NAALADL2: variants seen among roughly 807,000 people sequenced by gnomAD.
The protein encoded by NAALADL2 is N-acetylated alpha-linked acidic dipeptidase like 2, also known as inactive N-acetylated-alpha-linked acidic dipeptidase-like protein 2.
NAALADL2 carries 76 observed loss-of-function variants against 87.2 expected under a neutral mutation model. The observed-to-expected ratio is 0.87, with a 90% confidence interval of 0.72 to 1.05. NAALADL2 has a LOEUF of 1.05. Among genes scored for constraint, NAALADL2 ranks in the 50% least tolerant of loss-of-function variants. The pLI is 0.00. For missense variants in NAALADL2, 1,089 were observed against 945.8 expected (o/e 1.15, Z -1.99); for synonymous variants, 354 against 331.0 (o/e 1.07, Z -0.75).
chr3:175,538,806 C>T (rs1339664370), intron 9 of NAALADL2, among the ~76,000 whole-genome samples: 24 of 152,126 alleles, frequency 1.6e-4, no homozygotes, highest in Non-Finnish European at 1.5e-5. Flanking sequence ...ATGCTAGCTA[C>T]CAGGGCTAAT....
chr3:174,870,592 TAAA>T (rs56071821), intron 1 of NAALADL2, among the ~76,000 whole-genome samples: 6 of 148,140 alleles, frequency 4.1e-5, no homozygotes, highest in African/African-American at 1.0e-4. Flanking sequence ...AACAAAAAAA[TAAA>T]AAAAAAACAC....
chr3:175,189,363 CAATA>C (rs957269547), intron 2 of NAALADL2, among the ~76,000 whole-genome samples: 1 of 152,000 alleles, frequency 6.6e-6, no homozygotes, highest in Non-Finnish European at 1.5e-5. Flanking sequence ...CTTTTAGAAC[CAATA>C]AATAAATTCA....
chr3:174,708,327 G>C (rs1374731507), intron 2 of NAALADL2, among the ~76,000 whole-genome samples: 1 of 152,166 alleles, frequency 6.6e-6, no homozygotes, highest in Non-Finnish European at 1.5e-5. Context: ...TATTGTTTAA[G>C]TTATTGCTAC....
chr3:175,181,789 G>GTGTATATA (rs1291826648), intron 2 of NAALADL2, among the ~76,000 whole-genome samples: 1 of 138,604 alleles, frequency 7.2e-6, no homozygotes. Flanking sequence ...GTATATATAT[G>GTGTATATA]TGTGTGTGTA....
intron 1 of NAALADL2, among the ~76,000 whole-genome samples, chr3:174,480,268 C>T (rs1347858483): frequency 6.6e-6 from 1 of 152,094 alleles, no homozygotes; most frequent in Non-Finnish European, 1.5e-5. Flanking sequence ...GAAGACTCCT[C>T]ATGGGAGTTG....
intron 2 of NAALADL2, among the ~76,000 whole-genome samples, chr3:174,602,303 A>G (rs1264019654): frequency 6.6e-6 from 1 of 151,942 alleles, no homozygotes; most frequent in Non-Finnish European, 1.5e-5. Context: ...TTCTTTCATC[A>G]GTTTTTATAG....
At chr3:175,679,200 C>G (rs562436663) in intron 11 of NAALADL2, among the ~76,000 whole-genome samples, 2 of 151,492 alleles carry the variant, frequency 1.3e-5, no homozygotes, top group South Asian at 4.2e-4. Flanking sequence ...GGATGTATAC[C>G]TGCAGGTCAC....
chr3:174,790,424 T>G (rs1298151643), intron 3 of NAALADL2, among the ~76,000 whole-genome samples: 1 of 151,880 alleles, frequency 6.6e-6, no homozygotes, highest in Admixed American at 6.6e-5. Context: ...CTGAGGCAGG[T>G]GGATCATTTG....
At chr3:175,187,287 G>A (rs1031113232) in intron 2 of NAALADL2, among the ~76,000 whole-genome samples, 2 of 152,174 alleles carry the variant, frequency 1.3e-5, no homozygotes, top group Non-Finnish European at 2.9e-5. Flanking sequence ...ATAGATACAA[G>A]TGAGTTCATG....
intron 4 of NAALADL2, among the ~76,000 whole-genome samples, chr3:175,266,151 T>C (rs1208665204): frequency 6.6e-6 from 1 of 150,832 alleles, no homozygotes; most frequent in Non-Finnish European, 1.5e-5. Flanking sequence ...TCATATTGCA[T>C]TTTAGAATAC....
rs531810279 is a variant in NAALADL2 at position 175,807,004 on chromosome 3, T to A, written c.*3801T>A. ...AAACAAATGACATCATTCCTGATGA[T>A]GGTAGCCCACTCCAACAAAGGCGTA... On this transcript the variant is annotated 3_prime_UTR_variant, in exon 14 of 14. Coordinates refer to ENST00000454872, the MANE Select transcript of NAALADL2 (RefSeq NM_207015.3). The A allele has an allele frequency of 6.6e-6, 1 of 151,938 alleles. No homozygotes were observed. Among genetic ancestry groups the A allele is most frequent in the East Asian group, 1.9e-4 (1 of 5,154 alleles). The allele number at this position is 151,938 out of a possible 1,614,324, so 9.4% of individuals were successfully genotyped here.
intron 1 of NAALADL2, among the ~76,000 whole-genome samples, chr3:174,890,179 T>C (rs945928930): frequency 6.6e-6 from 1 of 151,754 alleles, no homozygotes. Context: ...TGTATAGTAA[T>C]AAAGAAAAAG....
At chr3:175,125,178 T>G (rs1726760253) in intron 2 of NAALADL2, among the ~76,000 whole-genome samples, 1 of 152,056 alleles carries the variant, frequency 6.6e-6, no homozygotes, top group Non-Finnish European at 1.5e-5. Context: ...TTACTTATTT[T>G]CAATTTAATT....
chr3:175,760,397 G>A (rs1052263426), intron 13 of NAALADL2, among the ~76,000 whole-genome samples: 2 of 152,138 alleles, frequency 1.3e-5, no homozygotes, highest in Non-Finnish European at 2.9e-5. Flanking sequence ...CTGAGTAAGG[G>A]GAGAGGGAAA....
chr3:174,685,556 A>C (rs570077518), intron 2 of NAALADL2, among the ~76,000 whole-genome samples: 1 of 152,136 alleles, frequency 6.6e-6, no homozygotes, highest in African/African-American at 2.4e-5. Context: ...CAGAATGAAC[A>C]CCTAATCTGA....
intron 2 of NAALADL2, among the ~76,000 whole-genome samples, chr3:175,199,878 TTTTTTTTTTTTTTTC>T (rs1739753597): frequency 1.2e-5 from 1 of 83,704 alleles, no homozygotes; most frequent in Non-Finnish European, 2.4e-5. Context: ...TTTTTTTTTT[TTTTTTTTTTTTTTTC>T]CTTAGTCCAT....
chr3:174,738,037 A>G (rs1733383778), intron 3 of NAALADL2, among the ~76,000 whole-genome samples: 1 of 152,102 alleles, frequency 6.6e-6, no homozygotes, highest in Admixed American at 6.5e-5. Flanking sequence ...TTCTCTGTCT[A>G]TAATTGTAAA....
chr3:174,998,971 C>A (rs914136303), intron 1 of NAALADL2, among the ~76,000 whole-genome samples: 1 of 152,076 alleles, frequency 6.6e-6, no homozygotes, highest in South Asian at 2.1e-4. Flanking sequence ...AATCTCATAT[C>A]TGTGGCATTA....
chr3:175,731,661 A>G (rs1161960107), intron 11 of NAALADL2, among the ~76,000 whole-genome samples: 2 of 152,166 alleles, frequency 1.3e-5, no homozygotes, highest in South Asian at 2.1e-4. Context: ...CGAAGCTGCA[A>G]AGAAAGCTGA....
Sources: allele counts gnomAD v4.1 joint callset (sites outside exome capture counted in the v4.1 genomes callset), GRCh38; gene constraint gnomAD v4.1.1; transcripts MANE v1.5; gene names NCBI Gene and HGNC (gene_info 2026-07-23, HGNC 2026-07-21).